CRTAC1: variants seen among roughly 807,000 people sequenced by gnomAD.
CRTAC1 encodes cartilage acidic protein 1.
Under a neutral mutation model 67.8 loss-of-function variants are expected in CRTAC1, and 37 were observed. The ratio of observed to expected loss-of-function variants is 0.55; its 90% CI spans 0.42 to 0.72. The LOEUF is 0.72. CRTAC1 is among the 30% of genes least tolerant of loss of function. CRTAC1 has a pLI of 0.00. For synonymous variants in CRTAC1, 348 were observed against 371.0 expected (o/e 0.94, Z 0.71); for missense variants, 780 against 931.6 (o/e 0.84, Z 2.12).
chr10:98,008,573 G>A (rs1488226736), intron 2 of CRTAC1, among the ~76,000 whole-genome samples: 1 of 151,348 alleles, frequency 6.6e-6, no homozygotes, highest in Non-Finnish European at 1.5e-5. Flanking sequence ...CAGCTTTGCA[G>A]TGGAGACAGG....
chr10:97,931,468 T>C (rs1057340149), intron 3 of CRTAC1, among the ~76,000 whole-genome samples: 2 of 152,208 alleles, frequency 1.3e-5, no homozygotes, highest in Admixed American at 1.3e-4. Context: ...ACCAATTAAA[T>C]TAATGGCACA....
At chr10:97,986,245 A>C (rs2051981324) in intron 2 of CRTAC1, among the ~76,000 whole-genome samples, 1 of 152,194 alleles carries the variant, frequency 6.6e-6, no homozygotes, top group African/African-American at 2.4e-5. Flanking sequence ...ATTTGAAGCC[A>C]AGACCTTTGC....
intron 2 of CRTAC1, among the ~76,000 whole-genome samples, chr10:97,988,365 A>G (rs1398608600): frequency 6.6e-6 from 1 of 152,228 alleles, no homozygotes; most frequent in Non-Finnish European, 1.5e-5. Context: ...TAGCACTCAG[A>G]CATTTGCAGA....
At position 97,881,336 on chromosome 10, in the gene CRTAC1, C is replaced by T. The variant is rs577273883; in HGVS notation, c.1676-944G>A. 1.1e-4 allele frequency among the ~76,000 whole-genome samples: 16 copies of T among 152,338 alleles called. No individual in the cohort carries two copies. In the South Asian group the frequency reaches 3.3e-3, roughly 32 times the overall value. ...TGCCCTTCCCTCAACTCTTTCTGGG[C>T]CTAGATCCTTCTCATCCTTCAGGTC... On this transcript the variant is annotated intron_variant, in intron 13 of 14. Transcript: ENST00000370597.
intron 3 of CRTAC1, 75 bp downstream of exon 3, chr10:97,936,094 TC>T: frequency 7.2e-7 from 1 of 1,393,056 alleles, no homozygotes; most frequent in East Asian, 2.4e-5. Flanking sequence ...GGGCCAGGGT[TC>T]CCATGGCCCT....
At chr10:97,982,032 T>C (rs767141224) in intron 2 of CRTAC1, among the ~76,000 whole-genome samples, 1 of 152,242 alleles carries the variant, frequency 6.6e-6, no homozygotes, top group Non-Finnish European at 1.5e-5. Context: ...AGCATCTCAC[T>C]GTGGCTTTAA....
Position 98,029,389 on chromosome 10 carries a change from G to A in CRTAC1, c.24+1060C>T, listed in dbSNP as rs1227950718. Reference sequence around the variant, plus strand: ...CGTGGAAAGTCCTGCACCCATCCCAGAAGACACCTCAAGTGCAACTCAAGA... The same window carrying A: ...CGTGGAAAGTCCTGCACCCATCCCAAAAGACACCTCAAGTGCAACTCAAGA... On this transcript the variant is annotated intron_variant, in intron 1 of 14. Coordinates refer to ENST00000370597, the MANE Select transcript of CRTAC1 (RefSeq NM_018058.7). This position sits in a 1 kb window ranked among gnomAD's most constrained non-coding sequence, Gnocchi z 4.7. Among the ~76,000 whole-genome samples, 1 of 152,150 alleles carries A rather than the reference G, an allele frequency of 6.6e-6. No homozygotes were observed. The highest frequency in any genetic ancestry group is 1.5e-5 in the Non-Finnish European group (1 of 68,024).
intron 14 of CRTAC1, chr10:97,869,741 A>G (rs1168364224): frequency 6.6e-6 from 1 of 152,310 alleles, no homozygotes; most frequent in African/African-American, 2.4e-5. Context: ...TGCCACCCGC[A>G]GGGACTTTTC....
chr10:97,881,360 T>G (rs1205403033), intron 13 of CRTAC1, among the ~76,000 whole-genome samples: 1 of 152,168 alleles, frequency 6.6e-6, no homozygotes, highest in Non-Finnish European at 1.5e-5. Context: ...ATCCTTCAGG[T>G]CTCAGCTCAG....
chr10:98,013,492 G>A lies in CRTAC1; in HGVS notation c.25-2155C>T, dbSNP rs560218855. Reference sequence around the variant, plus strand: ...GAAAGAAGTAGCTGCTGTGTTATCCGTTTCCAGATAAATAACCTAAAGCAA... The same window carrying A: ...GAAAGAAGTAGCTGCTGTGTTATCCATTTCCAGATAAATAACCTAAAGCAA... On this transcript the variant is annotated intron_variant, in intron 1 of 14. Coordinates refer to ENST00000370597, the MANE Select transcript of CRTAC1 (RefSeq NM_018058.7). Among the ~76,000 whole-genome samples the A allele has an allele frequency of 5.1e-4, 78 of 152,234 alleles. 1 individual carries two copies. Among genetic ancestry groups the A allele is most frequent in the South Asian group, 2.7e-3 (13 of 4,832 alleles).
chr10:98,005,098 A>ATTTTTTTT (rs1347220699), intron 2 of CRTAC1, among the ~76,000 whole-genome samples: 16 of 38,192 alleles, frequency 4.2e-4, no homozygotes, highest in South Asian at 2.9e-3. Flanking sequence ...ATATATATAT[A>ATTTTTTTT]TATTTTTTTT....
chr10:97,901,699 T>C, intron 7 of CRTAC1, 60 bp from the exon 8 acceptor site: 2 of 1,596,928 alleles, frequency 1.3e-6, no homozygotes, highest in East Asian at 4.5e-5. Flanking sequence ...GGAGGCCAGC[T>C]CTCCTCTATG....
At chr10:98,027,809 T>A (rs1165548577) in intron 1 of CRTAC1, among the ~76,000 whole-genome samples, 1 of 152,234 alleles carries the variant, frequency 6.6e-6, no homozygotes, top group African/African-American at 2.4e-5. Context: ...GAGTGCCTAC[T>A]GTATAGAGAA....
intron 2 of CRTAC1, among the ~76,000 whole-genome samples, chr10:97,990,723 A>G (rs1273088476): frequency 1.3e-5 from 2 of 152,230 alleles, no homozygotes; most frequent in Non-Finnish European, 2.9e-5. Context: ...ACTAACCTCC[A>G]GGGCTCAGCA....
chr10:97,878,714 G>T (rs1384739887), intron 14 of CRTAC1: 2 of 1,303,452 alleles, frequency 1.5e-6, no homozygotes, highest in African/African-American at 3.0e-5. Context: ...AACCTGAGAT[G>T]AGCCAGGCCT....
chr10:98,012,223 G>A (rs1288819070), intron 1 of CRTAC1, among the ~76,000 whole-genome samples: 1 of 152,016 alleles, frequency 6.6e-6, no homozygotes, highest in African/African-American at 2.4e-5. Flanking sequence ...CATAACTCAG[G>A]GTGTTGCCAA....
rs187273155 is a variant in CRTAC1, at chr10:98,019,076, G to C, written c.25-7739C>G. The stretch of plus-strand genomic sequence containing the variant: ...CAGAGAGATGTAAGTTAGCTGGGGG[G>C]GGAGCTGGGAAGTGCTTCCTAGAGG... On this transcript the variant is annotated intron_variant, in intron 1 of 14. Transcript: ENST00000370597. Among the ~76,000 whole-genome samples, 500 of 152,248 alleles carry C rather than the reference G, an allele frequency of 3.3e-3. 2 individuals carry two copies. Among genetic ancestry groups the C allele is most frequent in the African/African-American group, 0.011 (474 of 41,542 alleles).
intron 14 of CRTAC1, among the ~76,000 whole-genome samples, chr10:97,876,945 GTTTTTTTTT>G (rs71007368): frequency 9.4e-5 from 5 of 53,406 alleles, no homozygotes; most frequent in African/African-American, 1.6e-4. Context: ...AGGAGGCTCT[GTTTTTTTTT>G]TTTTTTTTTT....
chr10:97,958,194 C>T (rs768762509), intron 2 of CRTAC1, among the ~76,000 whole-genome samples: 1 of 152,140 alleles, frequency 6.6e-6, no homozygotes, highest in South Asian at 2.1e-4. Context: ...CTGGCTCCCT[C>T]AGCCCCAGGG....
Sources: gnomAD v4.1 joint callset for allele counts (sites outside exome capture counted in the v4.1 genomes callset) on GRCh38, gnomAD v4.1.1 for gene constraint, Gnocchi (gnomAD v3.1) non-coding constraint, MANE v1.5 for transcripts, NCBI Gene and HGNC (gene_info 2026-07-23, HGNC 2026-07-21) for gene names.